The following ANK2 variants were observed in gnomAD, a reference collection of about 807,000 sequenced individuals.
The protein encoded by ANK2 is ankyrin 2.
Under a neutral mutation model 360.5 loss-of-function variants are expected in ANK2, and 83 were observed. That is an observed-to-expected ratio of 0.23 (90% CI 0.19 to 0.28). ANK2 has a LOEUF of 0.28. Ranked by LOEUF, ANK2 falls within the 10% of genes least tolerant of loss-of-function variation. The pLI is 1.00. For synonymous variants in ANK2, 1,740 were observed against 1,759.5 expected, an observed-to-expected ratio of 0.99 and a Z score of 0.28; for missense variants, 4,201 against 4,795.7, an observed-to-expected ratio of 0.88 and a Z score of 3.66.
chr4:112,743,474 T>A, the ANK2 span, among the ~76,000 whole-genome samples: 1 of 151,414 alleles, frequency 6.6e-6, no homozygotes, highest in Non-Finnish European at 1.5e-5. Flanking sequence ...GTAATCTCGG[T>A]CTTTCTCTCT....
chr4:112,981,394 G>T (rs998795795), intron 2 of ANK2, among the ~76,000 whole-genome samples: 1 of 152,222 alleles, frequency 6.6e-6, no homozygotes, highest in Non-Finnish European at 1.5e-5. Context: ...AGGAGGAGGA[G>T]AGAAGCGGAT....
intron 1 of ANK2, among the ~76,000 whole-genome samples, chr4:112,899,574 T>C (rs759864754): frequency 6.6e-6 from 1 of 152,188 alleles, no homozygotes; most frequent in Non-Finnish European, 1.5e-5. Flanking sequence ...TTATGAATAG[T>C]AGAAATAAGT....
At chr4:113,177,323 G>A (rs1439659334) in intron 2 of ANK2, among the ~76,000 whole-genome samples, 1 of 151,946 alleles carries the variant, frequency 6.6e-6, no homozygotes, top group African/African-American at 2.4e-5. Flanking sequence ...CTCGTGATCA[G>A]CCCGCCTCGG....
At chr4:113,276,067 G>A (rs535133999) in intron 15 of ANK2, among the ~76,000 whole-genome samples, 3 of 149,734 alleles carry the variant, frequency 2.0e-5, no homozygotes, top group East Asian at 2.1e-4. Flanking sequence ...TCAGCCTCCC[G>A]AGTAGCTGGG....
At chr4:112,928,385 G>T (rs2092817589) in intron 2 of ANK2, among the ~76,000 whole-genome samples, 1 of 151,844 alleles carries the variant, frequency 6.6e-6, no homozygotes, top group Non-Finnish European at 1.5e-5. Context: ...ATCTAGTATA[G>T]TACTGTGAGA....
chr4:113,105,108 G>A (rs909518734), intron 1 of ANK2, among the ~76,000 whole-genome samples: 5 of 152,062 alleles, frequency 3.3e-5, no homozygotes, highest in African/African-American at 1.2e-4. Flanking sequence ...GAGGAATTTT[G>A]GCTATTTAGT....
chr4:113,316,934 C>T (rs760764585), intron 24 of ANK2, among the ~76,000 whole-genome samples: 2 of 152,180 alleles, frequency 1.3e-5, no homozygotes, highest in Non-Finnish European at 2.9e-5. Flanking sequence ...TTTGTGCTGG[C>T]AGGTGTGTCT....
At chr4:112,757,273 C>T in the ANK2 span, among the ~76,000 whole-genome samples, 3 of 151,962 alleles carry the variant, frequency 2.0e-5, no homozygotes, top group Admixed American at 1.3e-4. Flanking sequence ...CCACCAAGCC[C>T]GGCTAATTTT....
At chr4:112,831,467 C>T (rs1476637277) in intron 1 of ANK2, among the ~76,000 whole-genome samples, 3 of 152,172 alleles carry the variant, frequency 2.0e-5, no homozygotes, top group Admixed American at 6.5e-5. Flanking sequence ...TTGTGTGTAG[C>T]TCAAGGTTTG....
At chr4:112,847,067 A>G (rs935052546) in intron 1 of ANK2, among the ~76,000 whole-genome samples, 2 of 152,212 alleles carry the variant, frequency 1.3e-5, no homozygotes, top group Admixed American at 6.5e-5. Context: ...ATCAGTAGTC[A>G]CATACTCTGT....
intron 1 of ANK2, among the ~76,000 whole-genome samples, chr4:112,892,098 C>T (rs1156507794): frequency 6.6e-6 from 1 of 151,992 alleles, no homozygotes; most frequent in East Asian, 1.9e-4. Flanking sequence ...AAATATTTAG[C>T]ACCTGATGAT....
intron 2 of ANK2, among the ~76,000 whole-genome samples, chr4:113,037,781 T>A (rs2061929521): frequency 6.6e-6 from 1 of 152,022 alleles, no homozygotes; most frequent in African/African-American, 2.4e-5. Context: ...GAAACATGAA[T>A]AAGGCCTAAA....
At position 113,354,238 on chromosome 4, in the gene ANK2, A is replaced by G. The variant is rs2154020296; in HGVS notation, c.5620A>G (p.Lys1874Glu). The change falls in exon 38 of 46, where the codon AAA becomes GAA. Residue 1874 changes from lysine to glutamate, a missense_variant. Lys to Glu is a moderately conservative substitution (Grantham distance 56). Around this residue, in one of 4 missense-constraint regions of ANK2, gnomAD observed 2,642 missense variants for 2,714.5 expected, o/e 0.97. Transcript: ENST00000357077. The part of the protein sequence containing the change: ...ERHSPASSSS[K>E]TEKHSPVSPS... ...ACATTCACCTGCGTCATCATCGAGT[A>G]AAACTGAGAAACACTCACCTGTATC... The G allele has an allele frequency of 6.2e-7, 1 of 1,614,162 alleles. No individual in the cohort carries two copies. The highest frequency in any genetic ancestry group is 8.5e-7 in the Non-Finnish European group (1 of 1,179,996).
At chr4:112,795,403 G>A in the ANK2 span, among the ~76,000 whole-genome samples, 1 of 152,162 alleles carries the variant, frequency 6.6e-6, no homozygotes, top group African/African-American at 2.4e-5. Context: ...CAGGTAAAGT[G>A]TATAAATATT....
intron 1 of ANK2, among the ~76,000 whole-genome samples, chr4:112,894,489 T>G (rs114942055): frequency 0.028 from 4,236 of 152,302 alleles, 185 homozygotes; most frequent in African/African-American, 0.093. Flanking sequence ...ATGCTGATTA[T>G]GTTGCTGTTC....
At chr4:113,277,808 G>T (rs200335656) in intron 15 of ANK2, 29 bp from the exon 16 acceptor site, 1 of 1,545,482 alleles carries the variant, frequency 6.5e-7, no homozygotes, top group South Asian at 1.1e-5. Flanking sequence ...CAATAAATAC[G>T]ATTTTACTTT....
At chr4:112,745,107 ACAGT>A in the ANK2 span, among the ~76,000 whole-genome samples, 1 of 152,186 alleles carries the variant, frequency 6.6e-6, no homozygotes, top group Non-Finnish European at 1.5e-5. Context: ...TTGTAAGCAG[ACAGT>A]CAATTTATCA....
At chr4:112,739,159 A>T in the ANK2 span, 1 of 372,222 alleles carries the variant, frequency 2.7e-6, no homozygotes, top group South Asian at 2.3e-5. Context: ...ACTGCCAAGA[A>T]CACAAAAACA....
the ANK2 span, among the ~76,000 whole-genome samples, chr4:112,720,175 C>T: frequency 8.8e-3 from 1,339 of 152,206 alleles, 20 homozygotes; most frequent in African/African-American, 0.031. Context: ...ATTTATATTT[C>T]TTCCCAGACC....
Sources: allele counts gnomAD v4.1 joint callset (sites outside exome capture counted in the v4.1 genomes callset), GRCh38; gene constraint gnomAD v4.1.1; regional missense constraint gnomAD v4.1.1; transcripts MANE v1.5; gene names NCBI Gene and HGNC (gene_info 2026-07-23, HGNC 2026-07-21).